Variants in GALNT13 observed in about 807,000 individuals in gnomAD.
GALNT13 encodes the protein UDP-GalNAc:polypeptide N-acetylgalactosaminyltransferase 13.
GALNT13 carries 28 observed loss-of-function variants against 64.2 expected under a neutral mutation model. The ratio of observed to expected loss-of-function variants is 0.44; its 90% CI spans 0.32 to 0.60. GALNT13 has a LOEUF of 0.60. Among genes scored for constraint, GALNT13 ranks in the 20% least tolerant of loss-of-function variants. The probability of loss-of-function intolerance (pLI) is 0.05; values close to 1 mark genes in which losing one functional copy is unlikely to be tolerated. For synonymous variants in GALNT13, 214 were observed against 224.6 expected, an observed-to-expected ratio of 0.95 and a Z score of 0.42; for missense variants, 577 against 669.8, an observed-to-expected ratio of 0.86 and a Z score of 1.53.
At chr2:153,550,551 G>A in the GALNT13 span, among the ~76,000 whole-genome samples, 2 of 152,056 alleles carry the variant, frequency 1.3e-5, no homozygotes, top group African/African-American at 2.4e-5. Context: ...TGATTTTGCT[G>A]TCACAGTCTG....
chr2:153,583,862 G>T, the GALNT13 span, among the ~76,000 whole-genome samples: 1 of 152,184 alleles, frequency 6.6e-6, no homozygotes, highest in Non-Finnish European at 1.5e-5. Flanking sequence ...TGAGAAACAA[G>T]TGTAGCCTGG....
At chr2:153,747,423 T>G in the GALNT13 span, among the ~76,000 whole-genome samples, 2 of 81,412 alleles carry the variant, frequency 2.5e-5, no homozygotes, top group Admixed American at 1.2e-4. Flanking sequence ...GTGCCTTTGG[T>G]TTTTTTTTTT....
At chr2:153,122,152 A>G in the GALNT13 span, among the ~76,000 whole-genome samples, 1 of 152,184 alleles carries the variant, frequency 6.6e-6, no homozygotes, top group African/African-American at 2.4e-5. Flanking sequence ...AAATAATTTT[A>G]GATTTCTTAA....
At chr2:153,259,846 A>T in the GALNT13 span, among the ~76,000 whole-genome samples, 4 of 152,048 alleles carry the variant, frequency 2.6e-5, no homozygotes, top group African/African-American at 7.2e-5. Context: ...TTATTTTTTT[A>T]AATTATTTTG....
chr2:153,431,147 CAA>C, the GALNT13 span, among the ~76,000 whole-genome samples: 7 of 87,046 alleles, frequency 8.0e-5, no homozygotes, highest in Non-Finnish European at 7.2e-5. Flanking sequence ...GAGACTCTGT[CAA>C]AAAAAAAAAA....
chr2:154,080,859 A>G (rs1701236294), intron 3 of GALNT13, among the ~76,000 whole-genome samples: 1 of 151,656 alleles, frequency 6.6e-6, no homozygotes, highest in Admixed American at 6.6e-5. Flanking sequence ...GGTGAAACTC[A>G]AAGACTTGTA....
chr2:153,975,935 C>T (rs1694049334), intron 3 of GALNT13, among the ~76,000 whole-genome samples: 1 of 152,058 alleles, frequency 6.6e-6, no homozygotes, highest in East Asian at 1.9e-4. Flanking sequence ...ATTGCACGTC[C>T]TAAATATATG....
chr2:153,895,370 AT>A (rs1380907431), intron 1 of GALNT13, among the ~76,000 whole-genome samples: 1 of 151,860 alleles, frequency 6.6e-6, no homozygotes, highest in Non-Finnish European at 1.5e-5. Context: ...ATTTGTAAGC[AT>A]TTTTCTTTTT....
chr2:153,350,916 C>A, the GALNT13 span, among the ~76,000 whole-genome samples: 1 of 152,020 alleles, frequency 6.6e-6, no homozygotes, highest in African/African-American at 2.4e-5. Context: ...TTTAATTTTC[C>A]TAATATCAAG....
chr2:153,230,221 T>C, the GALNT13 span, among the ~76,000 whole-genome samples: 1 of 152,158 alleles, frequency 6.6e-6, no homozygotes, highest in East Asian at 1.9e-4. Flanking sequence ...AAGAACTCCG[T>C]TGGAATTTGG....
intron 3 of GALNT13, among the ~76,000 whole-genome samples, chr2:154,076,881 A>T (rs1225911916): frequency 6.6e-6 from 1 of 151,632 alleles, no homozygotes; most frequent in Non-Finnish European, 1.5e-5. Flanking sequence ...CCTCCAATGC[A>T]CACTAAGTTT....
At chr2:154,437,377 A>T in intron 11 of GALNT13, 1 of 351,570 alleles carries the variant, frequency 2.8e-6, no homozygotes, top group Non-Finnish European at 4.9e-6. Context: ...TCCAGAGTTT[A>T]TGTTATTTGT....
chr2:153,997,715 A>T (rs549567200), intron 3 of GALNT13, among the ~76,000 whole-genome samples: 1 of 152,226 alleles, frequency 6.6e-6, no homozygotes, highest in African/African-American at 2.4e-5. Context: ...ACATAGGTAT[A>T]CATGTACCAT....
chr2:153,360,427 G>A, the GALNT13 span, among the ~76,000 whole-genome samples: 14 of 152,174 alleles, frequency 9.2e-5, no homozygotes, highest in African/African-American at 2.2e-4. Flanking sequence ...GGGGAGGGGC[G>A]GCAGCCAACA....
At chr2:154,138,651 A>C (rs1348068508) in intron 3 of GALNT13, among the ~76,000 whole-genome samples, 1 of 151,526 alleles carries the variant, frequency 6.6e-6, no homozygotes, top group Non-Finnish European at 1.5e-5. Context: ...TTCTTATTTC[A>C]GAATTAGAAA....
At chr2:153,334,049 C>T in the GALNT13 span, among the ~76,000 whole-genome samples, 7 of 152,114 alleles carry the variant, frequency 4.6e-5, no homozygotes, top group Non-Finnish European at 1.0e-4. Flanking sequence ...CATGTACACA[C>T]ATATACATAC....
chr2:154,290,948 C>A (rs912054935), intron 8 of GALNT13, among the ~76,000 whole-genome samples: 1 of 151,878 alleles, frequency 6.6e-6, no homozygotes, highest in South Asian at 2.1e-4. Context: ...CCGGTGGGTT[C>A]GTGGTCTCGC....
At chr2:153,824,539 G>A in the GALNT13 span, among the ~76,000 whole-genome samples, 1 of 152,128 alleles carries the variant, frequency 6.6e-6, no homozygotes, top group African/African-American at 2.4e-5. Context: ...CTGTCTTCTA[G>A]TATATCATGA....
At chr2:153,149,782 A>G in the GALNT13 span, among the ~76,000 whole-genome samples, 1 of 151,896 alleles carries the variant, frequency 6.6e-6, no homozygotes, top group Non-Finnish European at 1.5e-5. Context: ...AGCTGTTAAT[A>G]CGGTATATCT....
Sources: gnomAD v4.1 joint callset for allele counts (sites outside exome capture counted in the v4.1 genomes callset) on GRCh38, gnomAD v4.1.1 for gene constraint, MANE v1.5 for transcripts, NCBI Gene and HGNC (gene_info 2026-07-23, HGNC 2026-07-21) for gene names.